ERBB4: variants seen among roughly 807,000 people sequenced by gnomAD.
ERBB4 encodes the protein erb-b2 receptor tyrosine kinase 4, also known as receptor tyrosine-protein kinase erbB-4.
ERBB4 carries 42 observed loss-of-function variants against 158.0 expected under a neutral mutation model. The ratio of observed to expected loss-of-function variants is 0.27; its 90% CI spans 0.21 to 0.34. The LOEUF is 0.34. Among genes scored for constraint, ERBB4 ranks in the 10% least tolerant of loss-of-function variants. The pLI, the probability that ERBB4 is intolerant of heterozygous loss-of-function variation, is 1.00. For missense variants in ERBB4, 1,333 were observed against 1,624.1 expected (o/e 0.82, Z 3.08); for synonymous variants, 583 against 558.7 (o/e 1.04, Z -0.61).
rs191906731 is a variant in ERBB4 at position 212,034,413 on chromosome 2, T to C, written c.235-86797A>G. ...GTTAGTTTTCTCTATTTTCTTACCT[T>C]ACAAAGGATTAAAAAGGAATAGTGG... On this transcript the variant is annotated intron_variant, in intron 2 of 27. Transcript: ENST00000342788. Among the ~76,000 whole-genome samples, 3 of 152,110 alleles carry C rather than the reference T, an allele frequency of 2.0e-5. No individual in the cohort carries two copies. The East Asian group carries it at 5.8e-4, about 29-fold the overall frequency.
intron 3 of ERBB4, among the ~76,000 whole-genome samples, chr2:211,932,059 C>T (rs2080191917): frequency 3.9e-5 from 6 of 152,014 alleles, no homozygotes; most frequent in Admixed American, 3.9e-4. Flanking sequence ...GGTTTCAAAA[C>T]TCAGGCTTTT....
intron 3 of ERBB4, among the ~76,000 whole-genome samples, chr2:211,916,376 C>T (rs935309548): frequency 3.9e-5 from 6 of 152,146 alleles, no homozygotes; most frequent in African/African-American, 4.8e-5. Flanking sequence ...GACGGGGTTT[C>T]ACCATGTTGG....
At chr2:211,982,680 A>G (rs1013266676) in intron 2 of ERBB4, among the ~76,000 whole-genome samples, 1 of 152,228 alleles carries the variant, frequency 6.6e-6, no homozygotes, top group Admixed American at 6.5e-5. Flanking sequence ...ATCCGATTCT[A>G]TAGGGCTCTG....
At chr2:211,739,262 T>C (rs1006441044) in intron 5 of ERBB4, among the ~76,000 whole-genome samples, 8 of 151,486 alleles carry the variant, frequency 5.3e-5, no homozygotes, top group African/African-American at 7.2e-5. Flanking sequence ...TATGCTTTTG[T>C]CATTTTTAAA....
At chr2:211,645,679 C>A (rs571825147) in intron 16 of ERBB4, among the ~76,000 whole-genome samples, 4 of 151,518 alleles carry the variant, frequency 2.6e-5, no homozygotes, top group Non-Finnish European at 5.9e-5. Context: ...AAACTTGCAG[C>A]CGTACTTTGA....
chr2:212,181,776 A>G (rs1438874239), intron 1 of ERBB4, among the ~76,000 whole-genome samples: 2 of 151,808 alleles, frequency 1.3e-5, no homozygotes, highest in Admixed American at 6.6e-5. Flanking sequence ...CCAATTTCCA[A>G]TTAGAATCAA....
chr2:211,994,626 T>C (rs1286227947), intron 2 of ERBB4, among the ~76,000 whole-genome samples: 1 of 151,786 alleles, frequency 6.6e-6, no homozygotes, highest in Non-Finnish European at 1.5e-5. Flanking sequence ...ATCCAAACAA[T>C]AGTTTTATTC....
At chr2:211,835,107 G>A (rs2105981485) in intron 3 of ERBB4, among the ~76,000 whole-genome samples, 1 of 151,046 alleles carries the variant, frequency 6.6e-6, no homozygotes, top group East Asian at 2.0e-4. Flanking sequence ...GCCCATTAAA[G>A]TTGCAAAGGC....
At chr2:212,108,283 T>C (rs2079291866) in intron 2 of ERBB4, among the ~76,000 whole-genome samples, 2 of 152,176 alleles carry the variant, frequency 1.3e-5, no homozygotes, top group South Asian at 2.1e-4. Context: ...TCCCCTGTTA[T>C]CATTTAAAAA....
chr2:211,449,629 T>C (rs1398015074), intron 20 of ERBB4, among the ~76,000 whole-genome samples: 1 of 152,214 alleles, frequency 6.6e-6, no homozygotes, highest in Non-Finnish European at 1.5e-5. Flanking sequence ...ATATGTATCA[T>C]GTATTATAGC....
chr2:212,130,303 G>A (rs1264641669), intron 1 of ERBB4, among the ~76,000 whole-genome samples: 2 of 152,038 alleles, frequency 1.3e-5, no homozygotes, highest in Non-Finnish European at 2.9e-5. Flanking sequence ...TGGATGTGAG[G>A]TCCTAATAAA....
chr2:212,111,992 C>G (rs1357427128), intron 2 of ERBB4, among the ~76,000 whole-genome samples: 1 of 152,098 alleles, frequency 6.6e-6, no homozygotes, highest in Non-Finnish European at 1.5e-5. Flanking sequence ...AGTCAGTAAA[C>G]ATCTGCTGAA....
At chr2:211,718,343 C>T (rs2073990682) in intron 7 of ERBB4, among the ~76,000 whole-genome samples, 1 of 152,224 alleles carries the variant, frequency 6.6e-6, no homozygotes, top group South Asian at 2.1e-4. Flanking sequence ...ATGTCCCTTA[C>T]ACACATTGAG....
intron 2 of ERBB4, among the ~76,000 whole-genome samples, chr2:212,060,909 T>G: frequency 6.6e-6 from 1 of 150,740 alleles, no homozygotes. Context: ...TGTATACATA[T>G]GTAACAAACC....
intron 1 of ERBB4, among the ~76,000 whole-genome samples, chr2:212,254,996 G>A (rs1252168750): frequency 6.6e-6 from 1 of 152,068 alleles, no homozygotes; most frequent in African/African-American, 2.4e-5. Context: ...ATTATTTCAC[G>A]GGTATAGTGT....
intron 1 of ERBB4, among the ~76,000 whole-genome samples, chr2:212,360,277 T>G (rs1426476882): frequency 2.0e-5 from 3 of 151,814 alleles, no homozygotes; most frequent in Non-Finnish European, 4.4e-5. Context: ...TTCCACTCTC[T>G]CTCAGCCCTT....
chr2:212,350,811 A>T (rs1017104426), intron 1 of ERBB4, among the ~76,000 whole-genome samples: 5 of 14,912 alleles, frequency 3.4e-4, no homozygotes, highest in Non-Finnish European at 1.5e-3. Context: ...GTAAAATAAT[A>T]AAAAAAATGC....
chr2:212,217,520 A>C lies in ERBB4; in HGVS notation c.83-92617T>G, dbSNP rs1441746149. Among the ~76,000 whole-genome samples the C allele has an allele frequency of 3.3e-5, 5 of 151,280 alleles. No individual in the cohort carries two copies. In the East Asian group the frequency reaches 7.7e-4, roughly 23 times the overall value. ...GGAGACATGGAGAGAATTTGTTAGT[A>C]TAAGAAGCTATGTCTCTAGAGGGTA... On this transcript the variant is annotated intron_variant, in intron 1 of 27. Transcript: ENST00000342788.
intron 1 of ERBB4, among the ~76,000 whole-genome samples, chr2:212,488,000 T>C (rs1690068535): frequency 6.6e-6 from 1 of 152,160 alleles, no homozygotes; most frequent in East Asian, 1.9e-4. Context: ...GCCAAGTTCA[T>C]TGGAAAAGAA....
Sources: allele counts gnomAD v4.1 joint callset (sites outside exome capture counted in the v4.1 genomes callset), GRCh38; gene constraint gnomAD v4.1.1; transcripts MANE v1.5; gene names NCBI Gene and HGNC (gene_info 2026-07-23, HGNC 2026-07-21).